Variants in PLS1 observed in about 807,000 individuals in gnomAD.
PLS1 encodes plastin 1.
Under a neutral mutation model 73.7 loss-of-function variants are expected in PLS1, and 32 were observed. The ratio of observed to expected loss-of-function variants is 0.43; its 90% CI spans 0.33 to 0.58. The LOEUF (loss-of-function observed/expected upper bound fraction) is 0.58. Ranked by LOEUF, PLS1 falls within the 20% of genes least tolerant of loss-of-function variation. The probability of loss-of-function intolerance (pLI) is 0.04; values close to 1 mark genes in which losing one functional copy is unlikely to be tolerated. For synonymous variants in PLS1, 217 were observed against 261.3 expected, an observed-to-expected ratio of 0.83 and a Z score of 1.63; for missense variants, 633 against 740.5, an observed-to-expected ratio of 0.85 and a Z score of 1.68.
At chr3:142,626,014 C>T (rs1451981465) in intron 1 of PLS1, among the ~76,000 whole-genome samples, 1 of 152,156 alleles carries the variant, frequency 6.6e-6, no homozygotes. Flanking sequence ...TTCATGCATG[C>T]ATGCTACTCA....
In PLS1 at chr3:142,671,169, T is replaced by C. The variant is rs747281643; in HGVS notation, c.364+47T>C. On this transcript the variant is annotated intron_variant, in intron 4 of 15. Transcript: ENST00000457734. ...GATCTTTTAGTCACTGATTCATTGA[T>C]TAAGTGACATATTTAATCAGTTCTA... The C allele has an allele frequency of 4.7e-6, 7 of 1,493,118 alleles. No individual in the cohort carries two copies. In the African/African-American group the frequency reaches 9.7e-5, roughly 21 times the overall value. The allele number at this position is 1,493,118 out of a possible 1,614,324, so 92.5% of individuals were successfully genotyped here.
intron 1 of PLS1, among the ~76,000 whole-genome samples, chr3:142,620,695 T>TA (rs1264745603): frequency 1.3e-5 from 2 of 152,190 alleles, no homozygotes; most frequent in African/African-American, 4.8e-5. Flanking sequence ...TCAAAATACT[T>TA]ACGCCTCAAA....
At chr3:142,606,143 G>A (rs1286735079) in intron 1 of PLS1, among the ~76,000 whole-genome samples, 3 of 152,202 alleles carry the variant, frequency 2.0e-5, no homozygotes, top group Non-Finnish European at 2.9e-5. Flanking sequence ...GCATGTTAAT[G>A]TATTATTAAA....
rs546886864 is a variant in PLS1 at position 142,652,973 on chromosome 3, C to T, written c.-36-11229C>T. Among the ~76,000 whole-genome samples, 116 of 152,298 alleles carry T rather than the reference C, an allele frequency of 7.6e-4. 2 individuals carry two copies. The South Asian group carries it at 0.024, about 31-fold the overall frequency. ...AGCAGCTTTGATTTCAGTATGTTGT[C>T]TTTCCTTGGGAAAGTTATTTCTTCT... On this transcript the variant is annotated intron_variant, in intron 1 of 15. Coordinates refer to ENST00000457734, the MANE Select transcript of PLS1 (RefSeq NM_001145319.2).
rs1213948745 is a variant in PLS1, at chr3:142,713,365, T to C, written c.*1358T>C. On this transcript the variant is annotated 3_prime_UTR_variant, in exon 16 of 16. Transcript: ENST00000457734. Reference sequence around the variant, plus strand: ...TCTACCATTGATTTAAATATATATATTGGTAAGAGAGACTGCCCATGTGTT... The same window carrying C: ...TCTACCATTGATTTAAATATATATACTGGTAAGAGAGACTGCCCATGTGTT... 6.6e-6 allele frequency: 1 copy of C among 152,570 alleles called. No individual in the cohort carries two copies. Among genetic ancestry groups the C allele is most frequent in the East Asian group, 1.9e-4 (1 of 5,200 alleles). The allele number at this position is 152,570 out of a possible 1,614,324, so 9.5% of individuals were successfully genotyped here.
intron 1 of PLS1, chr3:142,656,727 T>G (rs1423388883): frequency 1.3e-5 from 2 of 152,178 alleles, no homozygotes; most frequent in Non-Finnish European, 2.9e-5. Flanking sequence ...TCAGTGACCT[T>G]GTGATCTGTA....
chr3:142,656,827 G>A (rs528675394), intron 1 of PLS1: 2 of 152,086 alleles, frequency 1.3e-5, no homozygotes, highest in Non-Finnish European at 2.9e-5. Context: ...AGAAGAAGAG[G>A]ACATGGGGTA....
rs139663187 is a variant in PLS1, at chr3:142,704,533, G to A, written c.1576G>A (p.Val526Ile). ...KVNDEIIIKW[V>I]NQTLKSANKK... The stretch of plus-strand genomic sequence containing the variant: ...AAATGATGAAATTATAATTAAATGG[G>A]TCAATCAGACTCTTAAAAGTGCAAA... Residue 526 changes from valine to isoleucine, a missense_variant, in exon 14 of 16, where the codon GTC (valine) becomes ATC (isoleucine). Transcript: ENST00000457734. 296 of 1,597,094 alleles carry A rather than the reference G, an allele frequency of 1.9e-4. No homozygotes were observed. In the African/African-American group the frequency reaches 3.7e-3, roughly 20 times the overall value.
Position 142,671,943 on chromosome 3 carries a change from C to T in PLS1, c.364+821C>T, listed in dbSNP as rs532403060. Among the ~76,000 whole-genome samples the T allele has an allele frequency of 3.7e-3, 563 of 152,190 alleles. 3 individuals carry two copies. In the Middle Eastern group the frequency reaches 0.041, roughly 11 times the overall value. On this transcript the variant is annotated intron_variant, in intron 4 of 15. Transcript: ENST00000457734. Reference sequence around the variant, plus strand: ...TATTATATGTTTTTCCTAACTTTTTCCCACTAGGGAAGCAGCCATAAAGGC... The same window carrying T: ...TATTATATGTTTTTCCTAACTTTTTTCCACTAGGGAAGCAGCCATAAAGGC...
chr3:142,658,476 CAA>C (rs56710799), intron 1 of PLS1, among the ~76,000 whole-genome samples: 34 of 99,348 alleles, frequency 3.4e-4, no homozygotes, highest in Admixed American at 4.6e-4. Context: ...ACTTTGTCTC[CAA>C]AAAAAAAAAA....
At position 142,684,348 on chromosome 3, in the gene PLS1, A is replaced by G; in HGVS notation, c.841A>G (p.Thr281Ala). The part of the protein sequence containing the change: ...LLLRWVNYHL[T>A]NAGWHTISNF... ...GCTGCGATGGGTGAACTACCATCTGACCAATGCAGGATGGCATACCATCAG... is the reference window on the plus strand; with the variant it reads ...GCTGCGATGGGTGAACTACCATCTGGCCAATGCAGGATGGCATACCATCAG... Residue 281 changes from threonine (T) to alanine (A), a missense_variant, in exon 8 of 16, where the codon ACC becomes GCC. Physicochemically the swap from Thr to Ala is moderately conservative, Grantham distance 58. Transcript: ENST00000457734. The G allele has an allele frequency of 6.2e-7, 1 of 1,613,660 alleles. No individual in the cohort carries two copies. Among genetic ancestry groups the G allele is most frequent in the Non-Finnish European group, 8.5e-7 (1 of 1,179,546 alleles).
intron 14 of PLS1, among the ~76,000 whole-genome samples, chr3:142,705,915 T>G (rs75064662): frequency 0.081 from 12,285 of 152,032 alleles, 780 homozygotes; most frequent in African/African-American, 0.17. Flanking sequence ...TTACTGCTTG[T>G]TTTTTTTGAA....
intron 10 of PLS1, among the ~76,000 whole-genome samples, chr3:142,693,148 G>C (rs1228922677): frequency 6.6e-6 from 1 of 152,116 alleles, no homozygotes; most frequent in African/African-American, 2.4e-5. Context: ...ATTTAAGCAA[G>C]AAATTATAGG....
intron 1 of PLS1, among the ~76,000 whole-genome samples, chr3:142,637,841 C>T (rs1455882597): frequency 1.3e-5 from 2 of 152,098 alleles, no homozygotes; most frequent in African/African-American, 2.4e-5. Flanking sequence ...AGATAAACAA[C>T]ATGCCAGGCC....
At chr3:142,641,219 TAG>T (rs1320154516) in intron 1 of PLS1, among the ~76,000 whole-genome samples, 18 of 145,630 alleles carry the variant, frequency 1.2e-4, no homozygotes, top group African/African-American at 4.3e-4. Context: ...ATATTATATA[TAG>T]ATATATATAA....
chr3:142,631,341 C>T (rs989791571), intron 1 of PLS1, among the ~76,000 whole-genome samples: 1 of 151,960 alleles, frequency 6.6e-6, no homozygotes, highest in African/African-American at 2.4e-5. Flanking sequence ...TGGTGAAACC[C>T]CGTTTCTACT....
intron 2 of PLS1, among the ~76,000 whole-genome samples, chr3:142,666,679 A>T (rs1248091295): frequency 6.6e-6 from 1 of 152,138 alleles, no homozygotes; most frequent in African/African-American, 2.4e-5. Context: ...GAATTGCTAC[A>T]TCATGTGATA....
At chr3:142,686,435 C>A in intron 9 of PLS1, 59 bp downstream of exon 9, 1 of 1,004,866 alleles carries the variant, frequency 1.0e-6, no homozygotes, top group Non-Finnish European at 1.6e-6. Context: ...AGAAAATTTA[C>A]CATTTTTATC....
intron 1 of PLS1, among the ~76,000 whole-genome samples, chr3:142,630,027 A>G (rs1400794678): frequency 1.3e-5 from 2 of 152,152 alleles, no homozygotes; most frequent in African/African-American, 4.8e-5. Flanking sequence ...TAAAAGCAAG[A>G]CCTAAGGGTC....
Sources: gnomAD v4.1 joint callset for allele counts (sites outside exome capture counted in the v4.1 genomes callset) on GRCh38, gnomAD v4.1.1 for gene constraint, MANE v1.5 for transcripts, NCBI Gene and HGNC (gene_info 2026-07-23, HGNC 2026-07-21) for gene names.